Variants in HDAC8 observed in about 807,000 individuals in gnomAD.
HDAC8 encodes histone deacetylase 8.
A neutral mutation model predicts 32.2 loss-of-function variants in HDAC8; 1 was observed. The ratio of observed to expected loss-of-function variants is 0.03; its 90% CI spans 0.01 to 0.15. HDAC8 has a LOEUF of 0.15. Among genes scored for constraint, HDAC8 ranks in the 10% least tolerant of loss-of-function variants. The pLI, the probability that HDAC8 is intolerant of heterozygous loss-of-function variation, is 1.00. For synonymous variants in HDAC8, 108 were observed against 113.9 expected, an observed-to-expected ratio of 0.95 and a Z score of 0.33; for missense variants, 117 against 300.0, an observed-to-expected ratio of 0.39 and a Z score of 4.51.
intron 9 of HDAC8, among the ~76,000 whole-genome samples, chrX:72,415,477 G>A (rs936456000): frequency 2.7e-5 from 3 of 111,868 alleles, no homozygotes; most frequent in Non-Finnish European, 5.7e-5. Flanking sequence ...AATCATGTTA[G>A]GATTCTGATA....
chrX:72,388,094 G>C (rs1017351543), intron 9 of HDAC8, among the ~76,000 whole-genome samples: 1 of 110,280 alleles, frequency 9.1e-6, no homozygotes, highest in Non-Finnish European at 1.9e-5. Context: ...AGTGGAATCA[G>C]AGTTTAGGGC....
At chrX:72,336,780 C>T (rs920851624) in intron 10 of HDAC8, among the ~76,000 whole-genome samples, 9 of 109,765 alleles carry the variant, frequency 8.2e-5, no homozygotes, top group Admixed American at 3.9e-4. Flanking sequence ...GACAGGGTCT[C>T]GCTCTGTTGC....
intron 7 of HDAC8, among the ~76,000 whole-genome samples, chrX:72,476,689 T>G (rs1323784297): frequency 1.8e-5 from 2 of 111,813 alleles, no homozygotes; most frequent in Non-Finnish European, 3.8e-5. Context: ...CTCACAGGGT[T>G]ATTGTGAGGA....
At chrX:72,504,547 C>T (rs1556017921) in intron 4 of HDAC8, among the ~76,000 whole-genome samples, 1 of 111,592 alleles carries the variant, frequency 9.0e-6, no homozygotes. Context: ...ATCACACACA[C>T]ACACACACCC....
chrX:72,568,952 C>G, intron 2 of HDAC8, 68 bp from the exon 3 acceptor site: 1 of 1,055,432 alleles, frequency 9.5e-7, no homozygotes, highest in Non-Finnish European at 1.3e-6. Flanking sequence ...AAGCTAGAAA[C>G]AGAAGCCAGC....
chrX:72,411,440 A>C (rs1406457916), intron 9 of HDAC8, among the ~76,000 whole-genome samples: 2 of 112,086 alleles, frequency 1.8e-5, no homozygotes, highest in Admixed American at 1.9e-4. Context: ...CAGAGGGGGA[A>C]GTTCTGACCT....
chrX:72,527,453 C>T (rs1266803059), intron 4 of HDAC8, among the ~76,000 whole-genome samples: 1 of 111,695 alleles, frequency 9.0e-6, no homozygotes, highest in Non-Finnish European at 1.9e-5. Flanking sequence ...CGGTAGAATG[C>T]TAGTTTGTCA....
intron 5 of HDAC8, among the ~76,000 whole-genome samples, chrX:72,492,789 T>G (rs1298422961): frequency 1.8e-5 from 2 of 111,726 alleles, no homozygotes; most frequent in African/African-American, 6.5e-5. Context: ...ACTAATAGTT[T>G]GAATTTCATA....
chrX:72,405,805 G>A (rs1357794219), intron 9 of HDAC8, among the ~76,000 whole-genome samples: 1 of 111,237 alleles, frequency 9.0e-6, no homozygotes, highest in African/African-American at 3.3e-5. Context: ...CTATTTTCCA[G>A]TTTACTAATT....
intron 6 of HDAC8, 81 bp downstream of exon 6, chrX:72,490,848 G>T: frequency 1.3e-6 from 1 of 789,299 alleles, no homozygotes; most frequent in Non-Finnish European, 1.9e-6. Flanking sequence ...TAACAGCATG[G>T]AACTGTCCAA....
intron 7 of HDAC8, chrX:72,474,207 A>G: frequency 1.3e-6 from 1 of 749,332 alleles, no homozygotes; most frequent in Non-Finnish European, 1.6e-6. Flanking sequence ...TCTCTCTTTG[A>G]ATACCCACAG....
chrX:72,559,339 C>G (rs1387167418), intron 4 of HDAC8, among the ~76,000 whole-genome samples: 1 of 109,634 alleles, frequency 9.1e-6, no homozygotes, highest in East Asian at 2.9e-4. Context: ...CCCGAGGTGC[C>G]GGGATTGCAG....
intron 9 of HDAC8, among the ~76,000 whole-genome samples, chrX:72,355,960 G>A (rs1432719438): frequency 8.9e-6 from 1 of 112,159 alleles, no homozygotes; most frequent in Non-Finnish European, 1.9e-5. Context: ...GCAGTGTGAT[G>A]AGTGGTATAA....
chrX:72,394,457 T>C (rs1555964984), intron 9 of HDAC8, among the ~76,000 whole-genome samples: 1 of 112,186 alleles, frequency 8.9e-6, no homozygotes, highest in Non-Finnish European at 1.9e-5. Flanking sequence ...ACAATAGAAA[T>C]GGGTGAGTGA....
At chrX:72,423,540 T>G (rs2046550657) in intron 9 of HDAC8, among the ~76,000 whole-genome samples, 1 of 112,243 alleles carries the variant, frequency 8.9e-6, no homozygotes, top group East Asian at 2.8e-4. Flanking sequence ...TCTCTCAATT[T>G]AATTATTCTA....
intron 4 of HDAC8, among the ~76,000 whole-genome samples, chrX:72,496,877 T>C (rs1056234485): frequency 1.8e-5 from 2 of 110,555 alleles, no homozygotes; most frequent in Non-Finnish European, 3.8e-5. Flanking sequence ...ATAGACAAAA[T>C]TGACAAAGTA....
chrX:72,543,569 C>A (rs782790247), intron 4 of HDAC8, among the ~76,000 whole-genome samples: 1 of 111,382 alleles, frequency 9.0e-6, no homozygotes, highest in East Asian at 2.8e-4. Flanking sequence ...GTCCCGAGAG[C>A]CTGAAGGATA....
intron 9 of HDAC8, among the ~76,000 whole-genome samples, chrX:72,431,522 CT>C (rs1173319157): frequency 1.3e-4 from 14 of 107,471 alleles, no homozygotes; most frequent in Admixed American, 2.0e-4. Flanking sequence ...GTACATCCTT[CT>C]TTTTTTTTTC....
chrX:72,396,463 A>T (rs896922759), intron 9 of HDAC8, among the ~76,000 whole-genome samples: 2 of 112,536 alleles, frequency 1.8e-5, no homozygotes, highest in African/African-American at 3.2e-5. Context: ...AAGAGTTTTT[A>T]AAAATTTTTT....
Sources: allele counts gnomAD v4.1 joint callset (sites outside exome capture counted in the v4.1 genomes callset), GRCh38; gene constraint gnomAD v4.1.1; transcripts MANE v1.5; gene names NCBI Gene and HGNC (gene_info 2026-07-23, HGNC 2026-07-21).